DLGAP2: variants seen among roughly 807,000 people sequenced by gnomAD.
DLGAP2 encodes DLG associated protein 2.
A neutral mutation model predicts 100.3 loss-of-function variants in DLGAP2; 26 were observed. The observed-to-expected ratio is 0.26, with a 90% CI of 0.19 to 0.36. The LOEUF (loss-of-function observed/expected upper bound fraction) is 0.36. Among genes scored for constraint, DLGAP2 ranks in the 10% least tolerant of loss-of-function variants. The pLI is 1.00. For synonymous variants in DLGAP2, 886 were observed against 630.1 expected, an observed-to-expected ratio of 1.41 and a Z score of -6.08; for missense variants, 1,858 against 1,453.2, an observed-to-expected ratio of 1.28 and a Z score of -4.53.
chr8:1,200,298 G>T (rs544375402), intron 2 of DLGAP2, among the ~76,000 whole-genome samples: 62 of 152,302 alleles, frequency 4.1e-4, no homozygotes, highest in Admixed American at 7.2e-4. Context: ...TTGCTCCGGG[G>T]TCCTGCGTGT....
intron 3 of DLGAP2, among the ~76,000 whole-genome samples, chr8:1,389,887 C>A (rs1206062830): frequency 6.6e-6 from 1 of 152,084 alleles, no homozygotes; most frequent in Non-Finnish European, 1.5e-5. Context: ...ACAGTGATTG[C>A]TGAAAAACAG....
intron 2 of DLGAP2, among the ~76,000 whole-genome samples, chr8:1,157,456 C>T (rs1023154520): frequency 1.3e-5 from 2 of 152,140 alleles, no homozygotes; most frequent in African/African-American, 4.8e-5. Context: ...TTTTCATTCC[C>T]TTTCAGTCTA....
chr8:1,494,614 A>G (rs1799491222), intron 3 of DLGAP2, among the ~76,000 whole-genome samples: 1 of 152,056 alleles, frequency 6.6e-6, no homozygotes, highest in Non-Finnish European at 1.5e-5. Context: ...CTGTAGTCTC[A>G]CCTATTGGGC....
chr8:1,496,240 T>G (rs1282861120), intron 3 of DLGAP2, among the ~76,000 whole-genome samples: 1 of 152,104 alleles, frequency 6.6e-6, no homozygotes, highest in Non-Finnish European at 1.5e-5. Flanking sequence ...AGAGCCCTGT[T>G]GCAGGTCAGT....
rs534983828 is a variant in DLGAP2, at chr8:737,754, G to A, written c.-54G>A. 7.4e-4 allele frequency: 278 copies of A among 377,044 alleles called. 4 individuals carry two copies. Among genetic ancestry groups the A allele is most frequent in the Middle Eastern group, 6.1e-3 (9 of 1,466 alleles). 23.4% of individuals were successfully genotyped at this position (377,044 alleles called of 1,614,324 possible). On this transcript the variant is annotated 5_prime_UTR_variant, in exon 1 of 15. Transcript: ENST00000637795. Reference sequence around the variant, plus strand: ...GAGCCCCGGGAGCCGTCGGTCTGAGGAGGGGCCGCTTCGCCATGTCGCCCC... The same window carrying A: ...GAGCCCCGGGAGCCGTCGGTCTGAGAAGGGGCCGCTTCGCCATGTCGCCCC...
At chr8:1,177,434 C>T (rs753720561) in intron 2 of DLGAP2, among the ~76,000 whole-genome samples, 1 of 152,076 alleles carries the variant, frequency 6.6e-6, no homozygotes, top group Non-Finnish European at 1.5e-5. Flanking sequence ...CTGACTTTCC[C>T]ACCATCTTTG....
intron 8 of DLGAP2, among the ~76,000 whole-genome samples, chr8:1,648,553 C>T (rs951531508): frequency 1.3e-5 from 2 of 152,106 alleles, no homozygotes; most frequent in African/African-American, 4.8e-5. Flanking sequence ...GGCCATTGGT[C>T]CCCTCATTGG....
intron 3 of DLGAP2, among the ~76,000 whole-genome samples, chr8:1,431,275 G>A (rs957448057): frequency 6.6e-6 from 1 of 152,138 alleles, no homozygotes; most frequent in African/African-American, 2.4e-5. Context: ...CCGATTCAAT[G>A]TTTTGTAATG....
At chr8:1,280,012 G>T (rs1799784031) in intron 3 of DLGAP2, among the ~76,000 whole-genome samples, 1 of 152,190 alleles carries the variant, frequency 6.6e-6, no homozygotes, top group Non-Finnish European at 1.5e-5. Context: ...AAAAGTTCTG[G>T]ACTTTGAGGA....
intron 3 of DLGAP2, among the ~76,000 whole-genome samples, chr8:1,457,868 C>G (rs142889092): frequency 4.0e-5 from 6 of 151,334 alleles, no homozygotes; most frequent in African/African-American, 1.5e-4. Context: ...TTTGTTAATT[C>G]TATTTTCAAG....
chr8:1,308,067 A>G (rs561280826), intron 3 of DLGAP2, among the ~76,000 whole-genome samples: 3 of 152,342 alleles, frequency 2.0e-5, no homozygotes, highest in East Asian at 3.9e-4. Flanking sequence ...AAAGCTGTGC[A>G]TACACCAGGT....
chr8:925,136 G>A (rs998371820), intron 2 of DLGAP2, among the ~76,000 whole-genome samples: 8 of 152,052 alleles, frequency 5.3e-5, no homozygotes, highest in African/African-American at 1.9e-4. Flanking sequence ...AGTGTTTTGG[G>A]TATGATTGCT....
chr8:1,589,853 G>A (rs573703932), intron 6 of DLGAP2, among the ~76,000 whole-genome samples: 16 of 152,282 alleles, frequency 1.1e-4, no homozygotes, highest in African/African-American at 3.4e-4. Flanking sequence ...AGCTTTCTGA[G>A]GTCACTTCTG....
intron 2 of DLGAP2, among the ~76,000 whole-genome samples, chr8:958,764 A>T (rs1348071809): frequency 6.6e-6 from 1 of 152,168 alleles, no homozygotes; most frequent in African/African-American, 2.4e-5. Flanking sequence ...GTCTTCAACT[A>T]TTGAACCAAG....
chr8:1,063,425 G>T (rs1463954088), intron 2 of DLGAP2, among the ~76,000 whole-genome samples: 1 of 151,944 alleles, frequency 6.6e-6, no homozygotes, highest in Non-Finnish European at 1.5e-5. Flanking sequence ...GGGGAACTTT[G>T]TAACAAGTGA....
intron 2 of DLGAP2, among the ~76,000 whole-genome samples, chr8:909,342 C>T (rs904435346): frequency 1.3e-5 from 2 of 152,148 alleles, no homozygotes; most frequent in African/African-American, 4.8e-5. Context: ...AATTAATTTT[C>T]CTGATTCAGG....
intron 3 of DLGAP2, among the ~76,000 whole-genome samples, chr8:1,446,567 C>T (rs974252111): frequency 5.8e-4 from 88 of 151,740 alleles, no homozygotes; most frequent in African/African-American, 1.3e-3. Flanking sequence ...ATTGACTTGG[C>T]GATGCGGGCT....
intron 2 of DLGAP2, among the ~76,000 whole-genome samples, chr8:1,031,389 A>T (rs1801967679): frequency 3.4e-5 from 5 of 147,880 alleles, no homozygotes; most frequent in Admixed American, 1.4e-4. Flanking sequence ...CTTGCACTTT[A>T]TTTTTTTTTT....
intron 1 of DLGAP2, chr8:892,947 C>G (rs555833785): frequency 1.4e-5 from 2 of 143,658 alleles, no homozygotes; most frequent in East Asian, 5.1e-4. Context: ...GCCTCCTGGT[C>G]TGCATCCTGC....
Sources: gnomAD v4.1 joint callset for allele counts (sites outside exome capture counted in the v4.1 genomes callset) on GRCh38, gnomAD v4.1.1 for gene constraint, MANE v1.5 for transcripts, NCBI Gene and HGNC (gene_info 2026-07-23, HGNC 2026-07-21) for gene names.